Variants in CLCN1 observed in about 807,000 individuals in gnomAD.
CLCN1 encodes the protein chloride voltage-gated channel 1, also known as chloride channel protein 1.
CLCN1 carries 100 observed loss-of-function variants against 114.5 expected under a neutral mutation model. The observed-to-expected ratio is 0.87, with a 90% CI of 0.74 to 1.03. The LOEUF is 1.03. Among genes scored for constraint, CLCN1 ranks in the 50% least tolerant of loss-of-function variants. The probability of loss-of-function intolerance (pLI) is 0.00; values close to 1 mark genes in which losing one functional copy is unlikely to be tolerated. For synonymous variants in CLCN1, 485 were observed against 487.1 expected, an observed-to-expected ratio of 1.00 and a Z score of 0.06; for missense variants, 1,188 against 1,250.0, an observed-to-expected ratio of 0.95 and a Z score of 0.75.
intron 2 of CLCN1, among the ~76,000 whole-genome samples, chr7:143,320,204 G>A (rs1802387712): frequency 1.3e-5 from 2 of 152,120 alleles, no homozygotes; most frequent in South Asian, 4.1e-4. Flanking sequence ...TGAACTCCTG[G>A]CATCAAGCAA....
intron 17 of CLCN1, 123 bp downstream of exon 17, chr7:143,345,885 A>C: frequency 7.2e-7 from 1 of 1,391,086 alleles, no homozygotes; most frequent in East Asian, 2.5e-5. Flanking sequence ...GGGAAGAGGG[A>C]GGGGAGAGTC....
In CLCN1 at chr7:143,324,388, TTCTC is replaced by T. The variant is rs746098354; in HGVS notation, c.775-24_775-21del. The T allele has an allele frequency of 9.5e-6, 15 of 1,583,600 alleles. No homozygotes were observed. The highest frequency in any genetic ancestry group is 1.3e-5 in the African/African-American group (1 of 74,234). On this transcript the variant is annotated intron_variant, in intron 6 of 22. Transcript: ENST00000343257. The surrounding 1 kb of genome is among the most constrained non-coding windows in gnomAD (Gnocchi z 4.6). ...GCCCACCTCCCTCTCTTCCACCTGT[TTCTC>T]TGTCTGTCTCTCCCCTAGTAGCAGC...
chr7:143,350,713 A>G lies in CLCN1; in HGVS notation c.2595+59A>G. 1 of 1,211,062 alleles carries G rather than the reference A, an allele frequency of 8.3e-7. No individual in the cohort carries two copies. Among genetic ancestry groups the G allele is most frequent in the Non-Finnish European group, 1.2e-6 (1 of 814,514 alleles). 75.0% of individuals were successfully genotyped at this position (1,211,062 alleles called of 1,614,324 possible). A position where few individuals can be genotyped will look rare whatever the true frequency, so the allele number is the denominator to read the frequency against. On this transcript the variant is annotated intron_variant, in intron 22 of 22. Transcript: ENST00000343257. This position sits in a 1 kb window ranked among gnomAD's most constrained non-coding sequence, Gnocchi z 5.1. ...GGGAGGCTGGGCATAGGATAAGGGG[A>G]TGCAGTGGGGACAGAAGGAATATTA...
At chr7:143,328,002 T>A (rs1802618837) in intron 7 of CLCN1, among the ~76,000 whole-genome samples, 1 of 152,198 alleles carries the variant, frequency 6.6e-6, no homozygotes, top group African/African-American at 2.4e-5. Flanking sequence ...GGATCTAGGC[T>A]AACACCCAGA....
chr7:143,345,196 T>A (rs1373674705), intron 16 of CLCN1, among the ~76,000 whole-genome samples: 3 of 152,210 alleles, frequency 2.0e-5, no homozygotes, highest in Non-Finnish European at 4.4e-5. Context: ...GCTTCTCATG[T>A]TTCTTTTTAT....
Position 143,316,154 on chromosome 7 carries a change from C to A in CLCN1, c.-59C>A. On this transcript the variant is annotated 5_prime_UTR_variant, in exon 1 of 23. It adds an upstream start codon to the 5' untranslated region. Transcript: ENST00000343257. ...AAGAGCAGAGGCTTAAGGAGCTACA[C>A]TGGGGGAAGGACAGGGGCAAGCAGG... 1 of 1,406,344 alleles carries A rather than the reference C, an allele frequency of 7.1e-7. No homozygotes were observed. Among genetic ancestry groups the A allele is most frequent in the Non-Finnish European group, 1.0e-6 (1 of 996,638 alleles). 87.1% of individuals were successfully genotyped at this position (1,406,344 alleles called of 1,614,324 possible). A position where few individuals can be genotyped will look rare whatever the true frequency, so the allele number is the denominator to read the frequency against.
intron 1 of CLCN1, among the ~76,000 whole-genome samples, chr7:143,319,499 T>G (rs1238733548): frequency 6.6e-6 from 1 of 152,152 alleles, no homozygotes; most frequent in Non-Finnish European, 1.5e-5. Flanking sequence ...AAGGCTACCC[T>G]GGATCAAGGT....
intron 12 of CLCN1, among the ~76,000 whole-genome samples, chr7:143,336,051 A>G (rs1802877590): frequency 6.6e-6 from 1 of 152,174 alleles, no homozygotes; most frequent in African/African-American, 2.4e-5. Context: ...CATCAAGAGA[A>G]GAGCTTTTAC....
chr7:143,340,429 T>C (rs918760985), intron 14 of CLCN1, among the ~76,000 whole-genome samples: 1 of 152,240 alleles, frequency 6.6e-6, no homozygotes, highest in Non-Finnish European at 1.5e-5. Flanking sequence ...TTATATGCAA[T>C]ATCCAATAGT....
intron 1 of CLCN1, among the ~76,000 whole-genome samples, chr7:143,317,336 C>T (rs1035139725): frequency 2.0e-5 from 3 of 150,850 alleles, no homozygotes; most frequent in African/African-American, 7.3e-5. Flanking sequence ...GCGACCTCCG[C>T]CTCCCGGGTT....
chr7:143,325,323 T>C (rs1438855413), intron 7 of CLCN1, among the ~76,000 whole-genome samples: 1 of 152,262 alleles, frequency 6.6e-6, no homozygotes, highest in East Asian at 1.9e-4. Context: ...TTTTCAGTTA[T>C]GGAAATGTTA....
chr7:143,330,641 T>G, intron 7 of CLCN1, 131 bp from the exon 8 acceptor site: 4 of 1,193,108 alleles, frequency 3.4e-6, no homozygotes, highest in Non-Finnish European at 4.9e-6. Context: ...ATCCAAGAGA[T>G]CATTACTTTC....
rs200259718 is a variant in CLCN1, at chr7:143,324,528, G to T, written c.853+36G>T. Reference sequence around the variant, plus strand: ...GACCCCCTCCCCCATCAATCGGCTTGCCTGGCCTGGCTCCCAAAACAGTTT... The same window carrying T: ...GACCCCCTCCCCCATCAATCGGCTTTCCTGGCCTGGCTCCCAAAACAGTTT... On this transcript the variant is annotated intron_variant, in intron 7 of 22. Transcript: ENST00000343257. The surrounding 1 kb of genome is among the most constrained non-coding windows in gnomAD (Gnocchi z 4.6). The T allele has an allele frequency of 2.6e-6, 4 of 1,514,574 alleles. No homozygotes were observed. In the East Asian group the frequency reaches 6.8e-5, roughly 26 times the overall value. 93.8% of individuals were successfully genotyped at this position (1,514,574 alleles called of 1,614,324 possible).
At position 143,321,486 on chromosome 7, in the gene CLCN1, G is replaced by A. The variant is rs1343893045; in HGVS notation, c.555G>A (p.Gln185=). Reference sequence around the variant, plus strand: ...TCTTCTGCCACCTCATCTCTCCCCAGGCTGTTGGTGAGAACTTGCCACCAG... The same window carrying A: ...TCTTCTGCCACCTCATCTCTCCCCAAGCTGTTGGTGAGAACTTGCCACCAG... ...SALFCHLISP[Q]AVGSGIPEMK... Residue 185 remains glutamine, a synonymous_variant, in exon 4 of 23, where the codon CAG becomes CAA. Transcript: ENST00000343257. This position sits in a 1 kb window ranked among gnomAD's most constrained non-coding sequence, Gnocchi z 4.2. 2 of 1,614,058 alleles carry A rather than the reference G, an allele frequency of 1.2e-6. No homozygotes were observed. The highest frequency in any genetic ancestry group is 2.2e-5 in the East Asian group (1 of 44,858).
chr7:143,338,808 A>G (rs866582133), intron 12 of CLCN1, among the ~76,000 whole-genome samples: 15 of 136,976 alleles, frequency 1.1e-4, no homozygotes, highest in South Asian at 2.1e-4. Context: ...AAAAAAAAAA[A>G]GAAAAAAAAA....
chr7:143,336,736 A>G (rs1054825602), intron 12 of CLCN1, among the ~76,000 whole-genome samples: 1 of 152,064 alleles, frequency 6.6e-6, no homozygotes, highest in Non-Finnish European at 1.5e-5. Context: ...CTTTTCTTTC[A>G]CGTGCCAATA....
intron 18 of CLCN1, 62 bp from the exon 19 acceptor site, chr7:143,346,517 G>A (rs1161306120): frequency 8.3e-6 from 11 of 1,328,464 alleles, no homozygotes; most frequent in Non-Finnish European, 9.8e-6. Context: ...GGCACTGGGT[G>A]GGGCCCCTGG....
chr7:143,318,901 C>A (rs1285036318), intron 1 of CLCN1, among the ~76,000 whole-genome samples: 2 of 152,240 alleles, frequency 1.3e-5, no homozygotes, highest in Non-Finnish European at 2.9e-5. Flanking sequence ...AAATGCTGCT[C>A]ATATTGTGAA....
intron 14 of CLCN1, 60 bp from the exon 15 acceptor site, chr7:143,341,869 A>C (rs1803085295): frequency 2.2e-6 from 3 of 1,341,296 alleles, no homozygotes; most frequent in Non-Finnish European, 3.2e-6. Context: ...CCATCCCCAT[A>C]TGTCCTTCAT....
Sources: gnomAD v4.1 joint callset for allele counts (sites outside exome capture counted in the v4.1 genomes callset) on GRCh38, gnomAD v4.1.1 for gene constraint, Gnocchi (gnomAD v3.1) non-coding constraint, MANE v1.5 for transcripts, NCBI Gene and HGNC (gene_info 2026-07-23, HGNC 2026-07-21) for gene names.